The following ELP4 variants were observed in gnomAD, a reference collection of about 807,000 sequenced individuals.
ELP4 encodes the protein elongator acetyltransferase complex subunit 4, also known as elongator complex protein 4.
A neutral mutation model predicts 48.9 loss-of-function variants in ELP4; 51 were observed. That is an observed-to-expected ratio of 1.04 (90% CI 0.83 to 1.32). The LOEUF (loss-of-function observed/expected upper bound fraction) is 1.32, where lower values mean the gene tolerates loss of function less well. Ranked by LOEUF, ELP4 falls within the 40% of genes most tolerant of loss-of-function variation. The pLI, the probability that ELP4 is intolerant of heterozygous loss-of-function variation, is 0.00. For synonymous variants in ELP4, 210 were observed against 189.2 expected, an observed-to-expected ratio of 1.11 and a Z score of -0.90; for missense variants, 519 against 514.6, an observed-to-expected ratio of 1.01 and a Z score of -0.08.
At position 31,786,801 on chromosome 11, in the gene ELP4, AT is replaced by A; in HGVS notation, c.*3284del. 1 of 219,332 alleles carries A rather than the reference AT, an allele frequency of 4.6e-6. No individual in the cohort carries two copies. The highest frequency in any genetic ancestry group is 6.7e-5 in the East Asian group (1 of 14,898). The allele number at this position is 219,332 out of a possible 1,614,324, so 13.6% of individuals were successfully genotyped here. On this transcript the variant is annotated 3_prime_UTR_variant, in exon 10 of 10. Transcript: ENST00000640961. ...CTAGAAATTCATTGCAGTAAAATGC[AT>A]TTTTTTACTTAGAGCAGTTTGAACG...
intron 2 of ELP4, among the ~76,000 whole-genome samples, chr11:31,526,582 T>G (rs776970306): frequency 1.2e-4 from 18 of 151,968 alleles, no homozygotes; most frequent in African/African-American, 4.3e-4. Context: ...TAACTTACAG[T>G]TATGTCACAC....
At chr11:31,761,337 C>CAAA (rs568455581) in intron 9 of ELP4, among the ~76,000 whole-genome samples, 1 of 108,398 alleles carries the variant, frequency 9.2e-6, no homozygotes, top group Non-Finnish European at 1.9e-5. Context: ...GGCCCTGTCT[C>CAAA]AAAAAAAAAA....
chr11:31,734,936 T>C (rs1947273905), intron 9 of ELP4, among the ~76,000 whole-genome samples: 1 of 152,132 alleles, frequency 6.6e-6, no homozygotes, highest in Non-Finnish European at 1.5e-5. Context: ...GCTGGAGTCT[T>C]CACATGTCCT....
At chr11:31,618,846 A>G (rs960301131) in intron 5 of ELP4, among the ~76,000 whole-genome samples, 4 of 152,104 alleles carry the variant, frequency 2.6e-5, no homozygotes, top group Non-Finnish European at 5.9e-5. Flanking sequence ...TGAACTGTAC[A>G]CTTTCAGTGG....
intron 9 of ELP4, among the ~76,000 whole-genome samples, chr11:31,690,337 CTCACTTTCCTTCAAGTGAGAGG>C (rs553427254): frequency 6.6e-6 from 1 of 152,184 alleles, no homozygotes; most frequent in South Asian, 2.1e-4. Context: ...TCCATCTGCC[CTCACTTTCCTTCAAGTGAGAGG>C]GAGCACGCAC....
intron 3 of ELP4, among the ~76,000 whole-genome samples, chr11:31,564,869 T>G (rs1384089301): frequency 6.6e-6 from 1 of 152,236 alleles, no homozygotes; most frequent in Non-Finnish European, 1.5e-5. Context: ...CAGCATGATT[T>G]ATAATCCTTT....
At chr11:31,638,697 A>G (rs1945029394) in intron 7 of ELP4, among the ~76,000 whole-genome samples, 1 of 151,940 alleles carries the variant, frequency 6.6e-6, no homozygotes, top group Non-Finnish European at 1.5e-5. Context: ...TGAATGATAC[A>G]GTATGTTTCT....
intron 9 of ELP4, among the ~76,000 whole-genome samples, chr11:31,680,925 G>T (rs1025401285): frequency 6.6e-6 from 1 of 151,978 alleles, no homozygotes; most frequent in Non-Finnish European, 1.5e-5. Flanking sequence ...GAGGAGCTCA[G>T]GTATTCCCAA....
chr11:31,731,115 G>A (rs1440605254), intron 9 of ELP4, among the ~76,000 whole-genome samples: 1 of 152,126 alleles, frequency 6.6e-6, no homozygotes, highest in Non-Finnish European at 1.5e-5. Flanking sequence ...AAGCCAGTCT[G>A]AAAAAACTGA....
intron 9 of ELP4, among the ~76,000 whole-genome samples, chr11:31,695,611 A>G (rs1220505404): frequency 6.6e-6 from 1 of 150,388 alleles, no homozygotes; most frequent in Non-Finnish European, 1.5e-5. Context: ...ATATTGGTCT[A>G]AAATTATCTT....
At chr11:31,555,568 G>A (rs1956917676) in intron 3 of ELP4, among the ~76,000 whole-genome samples, 2 of 151,658 alleles carry the variant, frequency 1.3e-5, no homozygotes, top group Non-Finnish European at 2.9e-5. Context: ...AAGTACAAAA[G>A]TATTGTTTTT....
intron 9 of ELP4, among the ~76,000 whole-genome samples, chr11:31,768,927 A>G (rs888928995): frequency 6.6e-6 from 1 of 152,214 alleles, no homozygotes; most frequent in Admixed American, 6.5e-5. Flanking sequence ...GCCTTTGGGC[A>G]GCACATGCTT....
intron 9 of ELP4, among the ~76,000 whole-genome samples, chr11:31,772,986 T>C (rs1948180116): frequency 6.6e-6 from 1 of 152,238 alleles, no homozygotes. Context: ...CATATCCCTC[T>C]AGGAAGTTTT....
At chr11:31,745,412 A>T (rs1947563355) in intron 9 of ELP4, among the ~76,000 whole-genome samples, 1 of 152,206 alleles carries the variant, frequency 6.6e-6, no homozygotes, top group South Asian at 2.1e-4. Context: ...TGTGGAACCA[A>T]AAAAGAGCCC....
intron 3 of ELP4, among the ~76,000 whole-genome samples, chr11:31,589,189 G>A (rs771836502): frequency 2.0e-5 from 3 of 152,154 alleles, no homozygotes; most frequent in Non-Finnish European, 4.4e-5. Flanking sequence ...AGTTTCTGTG[G>A]TTCATTTCAC....
intron 9 of ELP4, among the ~76,000 whole-genome samples, chr11:31,674,575 A>C (rs766592069): frequency 6.6e-6 from 1 of 152,258 alleles, no homozygotes; most frequent in Non-Finnish European, 1.5e-5. Flanking sequence ...TTTAATATGG[A>C]AAGGAAAGTC....
chr11:31,766,364 T>C (rs1257974519), intron 9 of ELP4, among the ~76,000 whole-genome samples: 1 of 152,150 alleles, frequency 6.6e-6, no homozygotes, highest in Non-Finnish European at 1.5e-5. Flanking sequence ...TGCCATGTAG[T>C]ACCTTTATTA....
chr11:31,669,905 C>A (rs6484528), intron 9 of ELP4, among the ~76,000 whole-genome samples: 96,538 of 151,970 alleles, frequency 0.64, 33,121 homozygotes, highest in Non-Finnish European at 0.76. Flanking sequence ...TTTATACTTT[C>A]TGCTTGGGAT....
chr11:31,650,935 C>T (rs902771542), intron 9 of ELP4: 12 of 151,488 alleles, frequency 7.9e-5, no homozygotes, highest in African/African-American at 2.7e-4. Context: ...TTAACAAAGA[C>T]ATAAAACAGC....
Sources: allele counts gnomAD v4.1 joint callset (sites outside exome capture counted in the v4.1 genomes callset), GRCh38; gene constraint gnomAD v4.1.1; transcripts MANE v1.5; gene names NCBI Gene and HGNC (gene_info 2026-07-23, HGNC 2026-07-21).